The following LRMDA variants were observed in gnomAD, a reference collection of about 807,000 sequenced individuals.
LRMDA encodes leucine rich melanocyte differentiation associated, also known as leucine-rich melanocyte differentiation-associated protein.
LRMDA carries 18 observed loss-of-function variants against 29.8 expected under a neutral mutation model. The ratio of observed to expected loss-of-function variants is 0.60; its 90% CI spans 0.42 to 0.90. The LOEUF is 0.90. LRMDA is among the 40% of genes least tolerant of loss of function. LRMDA has a pLI of 0.00. For missense variants in LRMDA, 273 were observed against 273.9 expected (o/e 1.00, Z 0.02); for synonymous variants, 125 against 109.4 (o/e 1.14, Z -0.89).
intron 6 of LRMDA, among the ~76,000 whole-genome samples, chr10:76,542,054 CGTGTGT>C (rs34637437): frequency 2.3e-4 from 35 of 150,162 alleles, no homozygotes; most frequent in African/African-American, 4.2e-4. Context: ...GGTGTGTGCA[CGTGTGT>C]GTGTGTGTGT....
At chr10:75,827,047 T>G (rs1424485875) in intron 2 of LRMDA, among the ~76,000 whole-genome samples, 5 of 152,222 alleles carry the variant, frequency 3.3e-5, no homozygotes, top group African/African-American at 1.2e-4. Flanking sequence ...TACAGATGAT[T>G]CTTCTTAGAA....
chr10:76,181,572 G>T (rs1411702887), intron 5 of LRMDA, among the ~76,000 whole-genome samples: 3 of 152,182 alleles, frequency 2.0e-5, no homozygotes, highest in Admixed American at 6.5e-5. Flanking sequence ...GAGTGTTTTT[G>T]TTGGGGGCAG....
chr10:76,262,642 A>G (rs1274017093), intron 5 of LRMDA, among the ~76,000 whole-genome samples: 1 of 152,162 alleles, frequency 6.6e-6, no homozygotes, highest in Non-Finnish European at 1.5e-5. Context: ...TCTGCAACTT[A>G]TTTAGCCCTA....
chr10:76,199,003 G>A (rs1046814559), intron 5 of LRMDA, among the ~76,000 whole-genome samples: 10 of 151,988 alleles, frequency 6.6e-5, no homozygotes, highest in African/African-American at 2.4e-4. Context: ...AATTGGAAGA[G>A]GAATATCTTC....
intron 2 of LRMDA, among the ~76,000 whole-genome samples, chr10:75,755,590 G>A (rs1843022204): frequency 6.6e-6 from 1 of 152,258 alleles, no homozygotes; most frequent in Non-Finnish European, 1.5e-5. Flanking sequence ...GGGAATCAGG[G>A]AAGTCTCTGA....
At chr10:76,278,821 T>C (rs1382794965) in intron 5 of LRMDA, among the ~76,000 whole-genome samples, 1 of 152,222 alleles carries the variant, frequency 6.6e-6, no homozygotes, top group African/African-American at 2.4e-5. Context: ...AAAGATTCTT[T>C]TACTTTGCCC....
rs976531844 is a variant in LRMDA, at chr10:75,431,696, T to G, written c.-29T>G. ...GCTGCCGCCGCGCCCCCGCGCTCCG[T>G]CCCGCGCGCCCGCAGCGTCCTGGCC... On this transcript the variant is annotated 5_prime_UTR_variant, in exon 1 of 7. Transcript: ENST00000611255. 22 of 1,297,072 alleles carry G rather than the reference T, an allele frequency of 1.7e-5. No individual in the cohort carries two copies. The highest frequency in any genetic ancestry group is 3.8e-5 in the Admixed American group (1 of 26,314). 80.3% of individuals were successfully genotyped at this position (1,297,072 alleles called of 1,614,324 possible). A position where few individuals can be genotyped will look rare whatever the true frequency, so the allele number is the denominator to read the frequency against.
At chr10:76,265,476 G>C (rs902709593) in intron 5 of LRMDA, among the ~76,000 whole-genome samples, 1 of 152,164 alleles carries the variant, frequency 6.6e-6, no homozygotes, top group Non-Finnish European at 1.5e-5. Context: ...TCTCTGTCCT[G>C]GGAGGACACA....
chr10:76,541,889 G>A (rs567687800), intron 6 of LRMDA, among the ~76,000 whole-genome samples: 58 of 152,162 alleles, frequency 3.8e-4, no homozygotes, highest in African/African-American at 1.4e-3. Flanking sequence ...TTTTTTTTAT[G>A]TACTGTAAAT....
intron 5 of LRMDA, among the ~76,000 whole-genome samples, chr10:76,060,646 A>G (rs1270911459): frequency 1.3e-5 from 2 of 152,210 alleles, no homozygotes; most frequent in East Asian, 1.9e-4. Flanking sequence ...TCTTTGTTCA[A>G]ACAAAACCTC....
chr10:76,136,916 G>T (rs1019348856), intron 5 of LRMDA, among the ~76,000 whole-genome samples: 41 of 152,202 alleles, frequency 2.7e-4, no homozygotes, highest in African/African-American at 9.9e-4. Flanking sequence ...CCTAACCAAA[G>T]GAGGTTTGTG....
chr10:76,308,983 C>T (rs1358957), intron 5 of LRMDA, among the ~76,000 whole-genome samples: 90,314 of 151,430 alleles, frequency 0.6, 31,032 homozygotes, highest in Non-Finnish European at 0.8. Context: ...TCAGGCCAGT[C>T]CCTAATCCTC....
chr10:75,964,561 A>G (rs981827929), intron 2 of LRMDA, among the ~76,000 whole-genome samples: 4 of 152,200 alleles, frequency 2.6e-5, no homozygotes, highest in African/African-American at 9.7e-5. Flanking sequence ...AGTTTTATAC[A>G]TAAGATGATC....
chr10:76,428,586 T>G (rs1263042719), intron 6 of LRMDA, among the ~76,000 whole-genome samples: 1 of 152,132 alleles, frequency 6.6e-6, no homozygotes, highest in Non-Finnish European at 1.5e-5. Flanking sequence ...TCTTGGATAC[T>G]CCTTTCTTGT....
intron 2 of LRMDA, among the ~76,000 whole-genome samples, chr10:75,966,673 C>A (rs991540250): frequency 6.6e-6 from 1 of 152,130 alleles, no homozygotes; most frequent in Non-Finnish European, 1.5e-5. Flanking sequence ...GCTTTAGGAG[C>A]AGTGGACAAA....
intron 2 of LRMDA, among the ~76,000 whole-genome samples, chr10:75,793,515 C>T (rs1843602811): frequency 6.6e-6 from 1 of 152,158 alleles, no homozygotes; most frequent in Non-Finnish European, 1.5e-5. Flanking sequence ...GTCATTAGTG[C>T]TGTTTGGCAA....
chr10:75,507,611 G>A (rs1193306663), intron 2 of LRMDA, among the ~76,000 whole-genome samples: 1 of 152,052 alleles, frequency 6.6e-6, no homozygotes, highest in Non-Finnish European at 1.5e-5. Flanking sequence ...GCATTGTTTC[G>A]GAGCCAGTTC....
chr10:76,545,940 T>C (rs1282655685), intron 6 of LRMDA, among the ~76,000 whole-genome samples: 1 of 152,106 alleles, frequency 6.6e-6, no homozygotes, highest in Non-Finnish European at 1.5e-5. Context: ...CTTGCAAAAA[T>C]GCATACTCTT....
At chr10:75,705,946 T>C (rs998234797) in intron 2 of LRMDA, among the ~76,000 whole-genome samples, 2 of 152,198 alleles carry the variant, frequency 1.3e-5, no homozygotes, top group African/African-American at 4.8e-5. Flanking sequence ...GAGAGAGAAA[T>C]GAAAGAATAA....
Sources: gnomAD v4.1 joint callset for allele counts (sites outside exome capture counted in the v4.1 genomes callset) on GRCh38, gnomAD v4.1.1 for gene constraint, MANE v1.5 for transcripts, NCBI Gene and HGNC (gene_info 2026-07-23, HGNC 2026-07-21) for gene names.